The following NFIB variants were observed in gnomAD, a reference collection of about 807,000 sequenced individuals.
NFIB encodes nuclear factor I B.
NFIB carries 11 observed loss-of-function variants against 61.5 expected under a neutral mutation model. That is an observed-to-expected ratio of 0.18 (90% CI 0.11 to 0.30). The LOEUF (loss-of-function observed/expected upper bound fraction) is 0.30. Among genes scored for constraint, NFIB ranks in the 10% least tolerant of loss-of-function variants. NFIB has a pLI of 1.00. For synonymous variants in NFIB, 260 were observed against 216.5 expected, an observed-to-expected ratio of 1.20 and a Z score of -1.76; for missense variants, 471 against 608.9, an observed-to-expected ratio of 0.77 and a Z score of 2.38.
At chr9:14,299,676 AC>A (rs1455076678) in intron 2 of NFIB, among the ~76,000 whole-genome samples, 1 of 152,100 alleles carries the variant, frequency 6.6e-6, no homozygotes, top group East Asian at 1.9e-4. Flanking sequence ...TTCATCCATC[AC>A]CCCATATTTT....
In NFIB at chr9:14,087,241, T is replaced by C. The variant is rs975498123; in HGVS notation, c.*1068A>G. 4.9e-6 allele frequency: 1 copy of C among 203,334 alleles called. No individual in the cohort carries two copies. Among genetic ancestry groups the C allele is most frequent in the African/African-American group, 2.3e-5 (1 of 43,612 alleles). 12.6% of individuals were successfully genotyped at this position (203,334 alleles called of 1,614,324 possible). A position where few individuals can be genotyped will look rare whatever the true frequency, so the allele number is the denominator to read the frequency against. On this transcript the variant is annotated 3_prime_UTR_variant, in exon 11 of 11. Transcript: ENST00000380953. ...GCTAAACCAACATAAGTGCTGTGTT[T>C]TCATTAATTTTATTTTTCTCAAGCA...
chr9:14,407,817 C>T, the NFIB span, among the ~76,000 whole-genome samples: 2 of 152,220 alleles, frequency 1.3e-5, no homozygotes, highest in African/African-American at 4.8e-5. Context: ...TCCTGAGTAG[C>T]TGGGACTACA....
At chr9:14,321,870 C>T (rs754859791) in intron 1 of NFIB, 29 of 1,230,324 alleles carry the variant, frequency 2.4e-5, no homozygotes, top group Non-Finnish European at 2.8e-5. Context: ...AAAAACTGTG[C>T]CAGGGATAGG....
intron 1 of NFIB, chr9:14,322,242 C>T: frequency 4.6e-6 from 3 of 656,396 alleles, no homozygotes; most frequent in East Asian, 3.8e-5. Context: ...AGCTTTCTTT[C>T]CTCTCCCTTG....
chr9:14,291,774 C>A (rs1484914171), intron 2 of NFIB, among the ~76,000 whole-genome samples: 2 of 151,410 alleles, frequency 1.3e-5, no homozygotes, highest in Non-Finnish European at 2.9e-5. Flanking sequence ...CTAGCTCTGA[C>A]CTTTTCTTTA....
chr9:14,469,832 A>G, the NFIB span, among the ~76,000 whole-genome samples: 1 of 152,234 alleles, frequency 6.6e-6, no homozygotes, highest in African/African-American at 2.4e-5. Flanking sequence ...GGGATTGAGG[A>G]AGAACATTAG....
rs1439668201 is a variant in NFIB, at chr9:14,280,116, T to C, written c.562+26873A>G. Among the ~76,000 whole-genome samples, 16 of 152,304 alleles carry C rather than the reference T, an allele frequency of 1.1e-4. No homozygotes were observed. In the East Asian group the frequency reaches 2.9e-3, roughly 28 times the overall value. ...TCTGAGTCCTGTATATCTAGTTTAG[T>C]ACAAAGTCTGCTAAGGAGGTTAGTC... is the stretch of plus-strand genomic sequence containing the variant. On this transcript the variant is annotated intron_variant, in intron 2 of 10. Coordinates refer to ENST00000380953, the MANE Select transcript of NFIB (RefSeq NM_001190737.2).
At chr9:14,257,707 G>A (rs2056360338) in intron 2 of NFIB, among the ~76,000 whole-genome samples, 1 of 152,134 alleles carries the variant, frequency 6.6e-6, no homozygotes, top group Admixed American at 6.5e-5. Context: ...GGTGTGCCAA[G>A]ATCGCTTCAC....
intron 2 of NFIB, among the ~76,000 whole-genome samples, chr9:14,299,098 G>C (rs1361432279): frequency 6.6e-6 from 1 of 152,118 alleles, no homozygotes; most frequent in Non-Finnish European, 1.5e-5. Context: ...TCATATTGAC[G>C]TGTCATTAGC....
rs202005765 is a variant in NFIB, at chr9:14,146,819, T to C, written c.807-12A>G. The C allele has an allele frequency of 2.5e-6, 4 of 1,602,284 alleles. No homozygotes were observed. The highest frequency in any genetic ancestry group is 2.2e-5 in the East Asian group (1 of 44,782). On this transcript the variant is annotated splice_polypyrimidine_tract_variant and intron_variant, in intron 5 of 10. Coordinates refer to ENST00000380953, the MANE Select transcript of NFIB (RefSeq NM_001190737.2). Reference sequence around the variant, plus strand: ...TTTTGGGTCTTTTGCTGTTAAAATATGGCAATAGTTATATTAATGGGATTT... The same window carrying C: ...TTTTGGGTCTTTTGCTGTTAAAATACGGCAATAGTTATATTAATGGGATTT...
chr9:14,143,834 C>T (rs924210408), intron 6 of NFIB, among the ~76,000 whole-genome samples: 6 of 152,060 alleles, frequency 3.9e-5, no homozygotes, highest in African/African-American at 1.4e-4. Context: ...TTTTAAAAAG[C>T]AATTTTCTAA....
intron 8 of NFIB, among the ~76,000 whole-genome samples, chr9:14,118,096 TA>T (rs370064977): frequency 8.7e-5 from 13 of 149,908 alleles, no homozygotes; most frequent in South Asian, 8.4e-4. Context: ...CACTGTTCCT[TA>T]AAAAAAAAAT....
the NFIB span, among the ~76,000 whole-genome samples, chr9:14,476,979 T>G: frequency 1.3e-5 from 2 of 152,240 alleles, no homozygotes; most frequent in African/African-American, 4.8e-5. Context: ...TATAAAGAAT[T>G]TGAATCTCTT....
At chr9:14,279,933 C>G (rs887996001) in intron 2 of NFIB, among the ~76,000 whole-genome samples, 1 of 152,074 alleles carries the variant, frequency 6.6e-6, no homozygotes, top group Non-Finnish European at 1.5e-5. Context: ...ATTAAAGCAC[C>G]AAAACACAAT....
chr9:14,125,766 T>A lies in NFIB; in HGVS notation c.926A>T (p.Asp309Val), dbSNP rs992922055. Residue 309 changes from aspartate (D) to valine (V), a missense_variant and splice_region_variant, in exon 7 of 11, where the codon GAT becomes GTT. Physicochemically the swap from Asp to Val is radical, Grantham distance 152. Transcript: ENST00000380953. ...GSRTWHERDQ[D>V]MSSPTTMKKP... ...CTTCATAGTAGTCGGAGAAGACATA[T>A]CTGCGAGAAACAGAGAAAAACCCAA... 16 of 1,613,666 alleles carry A rather than the reference T, an allele frequency of 9.9e-6. No individual in the cohort carries two copies. Among genetic ancestry groups the A allele is most frequent in the African/African-American group, 1.3e-5 (1 of 74,908 alleles).
intron 3 of NFIB, among the ~76,000 whole-genome samples, chr9:14,172,681 T>C (rs1235958849): frequency 6.6e-6 from 1 of 152,214 alleles, no homozygotes; most frequent in African/African-American, 2.4e-5. Flanking sequence ...TTGCCTCCTT[T>C]ATAAAATCTC....
At chr9:14,282,497 A>C (rs2058437792) in intron 2 of NFIB, among the ~76,000 whole-genome samples, 1 of 152,266 alleles carries the variant, frequency 6.6e-6, no homozygotes, top group Non-Finnish European at 1.5e-5. Flanking sequence ...GCAAAAGTCC[A>C]AATTACAAGT....
At chr9:14,338,774 C>CTTTCT (rs2132868671) in intron 1 of NFIB, among the ~76,000 whole-genome samples, 1 of 152,002 alleles carries the variant, frequency 6.6e-6, no homozygotes, top group Admixed American at 6.5e-5. Flanking sequence ...TTTCTCTTTC[C>CTTTCT]TTTATGTTAT....
rs143863570 is a variant in NFIB at position 14,180,152 on chromosome 9, G to C, written c.563-372C>G. ...ATATTCTCTTAAAAATGCAATCTAA[G>C]TGTAATTAAACGTGCATTTAAAAGC... On this transcript the variant is annotated intron_variant, in intron 2 of 10. Transcript: ENST00000380953. 6.3e-3 allele frequency among the ~76,000 whole-genome samples: 956 copies of C among 152,244 alleles called. 20 individuals carry two copies. The highest frequency in any genetic ancestry group is 0.039 in the East Asian group (203 of 5,168).
Sources: allele counts gnomAD v4.1 joint callset (sites outside exome capture counted in the v4.1 genomes callset), GRCh38; gene constraint gnomAD v4.1.1; transcripts MANE v1.5; gene names NCBI Gene and HGNC (gene_info 2026-07-23, HGNC 2026-07-21).